Variants in RABL2B observed in about 807,000 individuals in gnomAD.
RABL2B encodes RAB, member of RAS oncogene family like 2B, also known as rab-like protein 2B.
In RABL2B, 17 loss-of-function variants were observed where a neutral mutation model predicts 26.7. The ratio of observed to expected loss-of-function variants is 0.64; its 90% CI spans 0.44 to 0.95. The LOEUF (loss-of-function observed/expected upper bound fraction) is 0.95, where lower values mean the gene tolerates loss of function less well. Ranked by LOEUF, RABL2B falls within the 40% of genes least tolerant of loss-of-function variation. The probability of loss-of-function intolerance (pLI) is 0.00; values close to 1 mark genes in which losing one functional copy is unlikely to be tolerated. For synonymous variants in RABL2B, 70 were observed against 103.9 expected (o/e 0.67, Z 1.99); for missense variants, 170 against 277.2 (o/e 0.61, Z 2.75).
intron 1 of RABL2B, 153 bp from the exon 2 acceptor site, chr22:50,782,500 A>G: frequency 1.5e-6 from 2 of 1,299,694 alleles, no homozygotes; most frequent in Non-Finnish European, 2.1e-6. Context: ...AGTATGACAC[A>G]CAGGCATCAA....
At chr22:50,774,490 G>A (rs1243856640) in intron 5 of RABL2B, among the ~76,000 whole-genome samples, 2 of 149,604 alleles carry the variant, frequency 1.3e-5, no homozygotes, top group Non-Finnish European at 3.0e-5. Context: ...CCTGCTGGTG[G>A]TCCAGCCAAG....
chr22:50,782,141 T>C, intron 2 of RABL2B, 47 bp downstream of exon 2: 1 of 1,206,310 alleles, frequency 8.3e-7, no homozygotes, highest in Non-Finnish European at 1.2e-6. Context: ...TTAAATGACC[T>C]GGACCCTCTC....
At chr22:50,777,685 A>G in intron 3 of RABL2B, 2 of 563,850 alleles carry the variant, frequency 3.5e-6, no homozygotes, top group South Asian at 3.8e-5. Flanking sequence ...TCCAGGCATT[A>G]GATCCAAACC....
intron 2 of RABL2B, among the ~76,000 whole-genome samples, chr22:50,781,718 C>T (rs868950473): frequency 0.023 from 3,522 of 152,006 alleles, 113 homozygotes; most frequent in African/African-American, 0.072. Flanking sequence ...CCGGGTGGCA[C>T]GTAGGCACCG....
At position 50,768,433 on chromosome 22, in the gene RABL2B, A is replaced by G; in HGVS notation, c.*343T>C. On this transcript the variant is annotated 3_prime_UTR_variant, in exon 9 of 9. Transcript: ENST00000691320. ...AGAAAACAAAAACAAAAACAAAAAC[A>G]CCAAAAAACACCTAAATTTCCTGTA... 2.8e-6 allele frequency: 1 copy of G among 361,432 alleles called. No homozygotes were observed. Among genetic ancestry groups the G allele is most frequent in the Non-Finnish European group, 5.1e-6 (1 of 196,930 alleles). 22.4% of individuals were successfully genotyped at this position (361,432 alleles called of 1,614,324 possible).
intron 6 of RABL2B, 66 bp from the exon 7 acceptor site, chr22:50,769,618 G>T: frequency 1.2e-6 from 2 of 1,604,216 alleles, no homozygotes; most frequent in Non-Finnish European, 1.7e-6. Flanking sequence ...GGAGGGGGGG[G>T]CCACTGGAGG....
intron 2 of RABL2B, among the ~76,000 whole-genome samples, chr22:50,781,127 TC>T (rs1555928483): frequency 6.6e-6 from 1 of 151,892 alleles, no homozygotes; most frequent in African/African-American, 2.4e-5. Flanking sequence ...GATCACAAGG[TC>T]CGGAGATCAA....
intron 5 of RABL2B, chr22:50,772,823 A>G (rs1218605794): frequency 8.6e-7 from 1 of 1,158,744 alleles, no homozygotes; most frequent in East Asian, 5.9e-5. Flanking sequence ...TGGTTTCCTG[A>G]GCATCTGTTC....
chr22:50,779,939 C>A (rs1378373720), intron 2 of RABL2B, among the ~76,000 whole-genome samples: 1 of 152,114 alleles, frequency 6.6e-6, no homozygotes, highest in Non-Finnish European at 1.5e-5. Context: ...CGAGATTGCC[C>A]CACTGTACTG....
chr22:50,774,856 C>T (rs1478718936), intron 5 of RABL2B, among the ~76,000 whole-genome samples: 3 of 151,942 alleles, frequency 2.0e-5, no homozygotes, highest in Admixed American at 1.3e-4. Flanking sequence ...CGGCTCACTG[C>T]AACCTCTGCC....
At chr22:50,772,622 T>C (rs1482586721) in intron 5 of RABL2B, 2 of 1,017,800 alleles carry the variant, frequency 2.0e-6, no homozygotes, top group African/African-American at 3.4e-5. Context: ...CCCTGTGTGG[T>C]GGCGGGAGGG....
chr22:50,779,836 C>T (rs1451003920), intron 2 of RABL2B, among the ~76,000 whole-genome samples: 2 of 152,086 alleles, frequency 1.3e-5, no homozygotes, highest in African/African-American at 2.4e-5. Context: ...AAAAAATTAG[C>T]TAGGCATGGT....
rs1434586642 is a variant in RABL2B at position 50,783,552 on chromosome 22, C to A, written c.-105G>T. ...GACCAGGGACGCTGCGGGTCGGCCCCTCGGGCCCTGCCGCCAGTCTGGACT... is the reference window on the plus strand; with the variant it reads ...GACCAGGGACGCTGCGGGTCGGCCCATCGGGCCCTGCCGCCAGTCTGGACT... On this transcript the variant is annotated 5_prime_UTR_variant, in exon 1 of 9. It adds an upstream start codon to the 5' untranslated region. Transcript: ENST00000691320. The A allele has an allele frequency of 6.6e-6, 1 of 152,098 alleles. No individual in the cohort carries two copies. The highest frequency in any genetic ancestry group is 1.5e-5 in the Non-Finnish European group (1 of 68,022). The allele number at this position is 152,098 out of a possible 1,614,324, so 9.4% of individuals were successfully genotyped here. A position where few individuals can be genotyped will look rare whatever the true frequency, so the allele number is the denominator to read the frequency against.
rs782341194 is a variant in RABL2B at position 50,776,692 on chromosome 22, T to C, written c.195A>G (p.Val65=). 1.9e-6 allele frequency: 3 copies of C among 1,611,822 alleles called. No individual in the cohort carries two copies. Among genetic ancestry groups the C allele is most frequent in the African/African-American group, 1.3e-5 (1 of 74,992 alleles). The change falls in exon 4 of 9, where the codon GTA becomes GTG. Residue 65 remains valine (V), a synonymous_variant. Coordinates refer to ENST00000691320, the MANE Select transcript of RABL2B (RefSeq NM_001130919.3). The part of the protein sequence containing the change: ...ALTLYKHTAT[V]DGRTILVDFW... ...TACCCACAAGGATGGTCCTTCCATC[T>C]ACCGTGGCTGTGTGCTTGTACAGGG...
chr22:50,782,572 C>T (rs1354488977), intron 1 of RABL2B, among the ~76,000 whole-genome samples: 1 of 152,036 alleles, frequency 6.6e-6, no homozygotes, highest in African/African-American at 2.4e-5. Context: ...TCACGTTACC[C>T]ATTTGCACAA....
At chr22:50,775,012 C>T (rs547165460) in intron 5 of RABL2B, among the ~76,000 whole-genome samples, 1 of 152,352 alleles carries the variant, frequency 6.6e-6, no homozygotes, top group South Asian at 2.1e-4. Context: ...CTGCTGACCT[C>T]AGGTGATCCA....
chr22:50,769,071 G>C lies in RABL2B; in HGVS notation c.561C>G (p.Asp187Glu), dbSNP rs369512280. The stretch of plus-strand genomic sequence containing the variant: ...GCTCCTGAAAAATCTCATCCATGAA[G>C]TCCTGGGAGTTCTGTTTGTAAGACA... ...LAVSYKQNSQ[D>E]FMDEIFQELE... is the part of the protein sequence containing the mutation. The change falls in exon 8 of 9, where the codon GAC becomes GAG. Residue 187 changes from aspartate to glutamate, a missense_variant. Transcript: ENST00000691320. The C allele has an allele frequency of 2.6e-5, 25 of 969,916 alleles. No individual in the cohort carries two copies. Among genetic ancestry groups the C allele is most frequent in the African/African-American group, 2.5e-4 (14 of 55,382 alleles). 60.1% of individuals were successfully genotyped at this position (969,916 alleles called of 1,614,324 possible).
intron 2 of RABL2B, among the ~76,000 whole-genome samples, chr22:50,778,351 G>A (rs2085305958): frequency 6.6e-6 from 1 of 151,686 alleles, no homozygotes; most frequent in African/African-American, 2.4e-5. Flanking sequence ...GGTGGCTCAC[G>A]CCTGTAATCC....
At chr22:50,778,025 C>G (rs1555925743) in intron 2 of RABL2B, 44 bp from the exon 3 acceptor site, 1 of 1,614,064 alleles carries the variant, frequency 6.2e-7, no homozygotes, top group Admixed American at 1.7e-5. Context: ...GTCTCCATCT[C>G]TCCCTCGTCC....
Sources: gnomAD v4.1 joint callset for allele counts (sites outside exome capture counted in the v4.1 genomes callset) on GRCh38, gnomAD v4.1.1 for gene constraint, MANE v1.5 for transcripts, NCBI Gene and HGNC (gene_info 2026-07-23, HGNC 2026-07-21) for gene names.